The following NEMP2 variants were observed in gnomAD, a reference collection of about 807,000 sequenced individuals.
The protein encoded by NEMP2 is nuclear envelope integral membrane protein 2.
NEMP2 carries 53 observed loss-of-function variants against 54.2 expected under a neutral mutation model. The ratio of observed to expected loss-of-function variants is 0.98; its 90% CI spans 0.78 to 1.23. The LOEUF (loss-of-function observed/expected upper bound fraction) is 1.23, where lower values mean the gene tolerates loss of function less well. Ranked by LOEUF, NEMP2 falls within the 50% of genes most tolerant of loss-of-function variation. The pLI, the probability that NEMP2 is intolerant of heterozygous loss-of-function variation, is 0.00. For synonymous variants in NEMP2, 197 were observed against 190.3 expected (o/e 1.04, Z -0.29); for missense variants, 455 against 511.3 (o/e 0.89, Z 1.06).
At chr2:190,452,126 A>T in the NEMP2 span, among the ~76,000 whole-genome samples, 2 of 152,130 alleles carry the variant, frequency 1.3e-5, no homozygotes, top group African/African-American at 4.8e-5. Flanking sequence ...TAAATAATCT[A>T]GATGAAAAGT....
At chr2:190,632,028 C>T in the NEMP2 span, among the ~76,000 whole-genome samples, 1 of 152,036 alleles carries the variant, frequency 6.6e-6, no homozygotes, top group African/African-American at 2.4e-5. The surrounding 1 kb of genome is among the most constrained non-coding windows in gnomAD (Gnocchi z 4.8). Context: ...TGCACTCTTG[C>T]CTGGGCAACT....
chr2:190,534,825 C>G, upstream of NEMP2: 1 of 457,026 alleles, frequency 2.2e-6, no homozygotes, highest in Non-Finnish European at 3.5e-6. Context: ...GCTCGTTGCT[C>G]CAGCCTCCGC....
At chr2:190,534,528 G>A in intron 1 of NEMP2, 31 bp downstream of exon 1, 1 of 1,378,644 alleles carries the variant, frequency 7.3e-7, no homozygotes. Context: ...GAGCACGCAC[G>A]CGCGCGCCGC....
At chr2:190,534,325 G>A (rs1016898023) in intron 1 of NEMP2, 15 of 1,189,840 alleles carry the variant, frequency 1.3e-5, no homozygotes, top group African/African-American at 1.6e-5. Flanking sequence ...TCGCGCGGTT[G>A]CTTCTAATTC....
the NEMP2 span, chr2:190,640,849 T>C: frequency 3.6e-5 from 5 of 138,414 alleles, no homozygotes; most frequent in South Asian, 2.3e-4. Context: ...ATGGGTGATA[T>C]GGCAACTCAG....
At chr2:190,497,983 A>C in the NEMP2 span, 1 of 313,864 alleles carries the variant, frequency 3.2e-6, no homozygotes, top group Non-Finnish European at 5.9e-6. This position sits in a 1 kb window ranked among gnomAD's most constrained non-coding sequence, Gnocchi z 5.2. Flanking sequence ...AAATAAAATA[A>C]ATTAATCCAT....
the NEMP2 span, among the ~76,000 whole-genome samples, chr2:190,556,191 G>A: frequency 2.0e-5 from 3 of 152,152 alleles, no homozygotes; most frequent in African/African-American, 7.2e-5. Flanking sequence ...ATCAATAATT[G>A]TGATCCATCA....
At chr2:190,648,523 T>TG in the NEMP2 span, 1 of 90,722 alleles carries the variant, frequency 1.1e-5, no homozygotes, top group African/African-American at 3.8e-5. Flanking sequence ...GTTGTTTTTT[T>TG]TTTTTTTTTT....
chr2:190,430,907 A>G, the NEMP2 span, among the ~76,000 whole-genome samples: 1 of 110,378 alleles, frequency 9.1e-6, no homozygotes, highest in Non-Finnish European at 1.9e-5. Context: ...CACTTCCCAG[A>G]TGGGGTGGCT....
the NEMP2 span, chr2:190,437,059 A>C: frequency 6.2e-7 from 1 of 1,614,226 alleles, no homozygotes; most frequent in Non-Finnish European, 8.5e-7. The surrounding 1 kb of genome is among the most constrained non-coding windows in gnomAD (Gnocchi z 5.9). Context: ...GTCTGTGGGC[A>C]TCGGGATCGA....
chr2:190,528,137 T>C lies in NEMP2; in HGVS notation c.98-2759A>G, dbSNP rs936178443. Reference sequence around the variant, plus strand: ...CAATGCTGAGGCACATTTTTGAATATATCTGAGATGCAAATGACTTCTGGC... The same window carrying C: ...CAATGCTGAGGCACATTTTTGAATACATCTGAGATGCAAATGACTTCTGGC... On this transcript the variant is annotated intron_variant, in intron 1 of 8. Transcript: ENST00000409150. The surrounding 1 kb of genome is among the most constrained non-coding windows in gnomAD (Gnocchi z 4.3). 6.6e-6 allele frequency among the ~76,000 whole-genome samples: 1 copy of C among 152,204 alleles called. No homozygotes were observed.
the NEMP2 span, among the ~76,000 whole-genome samples, chr2:190,478,184 T>C: frequency 2.6e-5 from 4 of 152,320 alleles, no homozygotes; most frequent in Admixed American, 2.0e-4. Context: ...TACATACTTC[T>C]GTGTTTCATT....
chr2:190,633,905 C>A, the NEMP2 span, among the ~76,000 whole-genome samples: 7 of 151,958 alleles, frequency 4.6e-5, no homozygotes, highest in African/African-American at 1.5e-4. Context: ...ACCCTGTCTC[C>A]ACAACAAATT....
At chr2:190,545,468 C>A in the NEMP2 span, among the ~76,000 whole-genome samples, 1 of 152,144 alleles carries the variant, frequency 6.6e-6, no homozygotes, top group African/African-American at 2.4e-5. Flanking sequence ...AGCAGATATC[C>A]GTTTAGTTTA....
chr2:190,440,524 T>C, the NEMP2 span, among the ~76,000 whole-genome samples: 1 of 152,248 alleles, frequency 6.6e-6, no homozygotes, highest in Admixed American at 6.5e-5. Flanking sequence ...TATCTTAAGG[T>C]ATCTTCACAT....
At chr2:190,430,801 C>T in the NEMP2 span, among the ~76,000 whole-genome samples, 1 of 146,792 alleles carries the variant, frequency 6.8e-6, no homozygotes, top group Admixed American at 6.8e-5. Flanking sequence ...CAGAGGCGCC[C>T]CCCCCACCTC....
chr2:190,584,945 AAGAAAGAAAGAAAGAAAG>A, the NEMP2 span, among the ~76,000 whole-genome samples: 37 of 129,322 alleles, frequency 2.9e-4, no homozygotes, highest in African/African-American at 8.5e-4. This position sits in a 1 kb window ranked among gnomAD's most constrained non-coding sequence, Gnocchi z 4.2. Flanking sequence ...GAAAGAAAGA[AAGAAAGAAAGAAAGAAAG>A]AGACATAATG....
chr2:190,492,186 G>T, the NEMP2 span, among the ~76,000 whole-genome samples: 12 of 152,140 alleles, frequency 7.9e-5, no homozygotes, highest in Admixed American at 5.9e-4. The surrounding 1 kb of genome is among the most constrained non-coding windows in gnomAD (Gnocchi z 5.2). Context: ...AAGAATAATT[G>T]GAGTTCCTGA....
the NEMP2 span, among the ~76,000 whole-genome samples, chr2:190,472,495 A>C: frequency 4.6e-5 from 7 of 152,362 alleles, no homozygotes; most frequent in East Asian, 1.3e-3. Flanking sequence ...CAGTGATGGA[A>C]GATCAAATGA....
Sources: gnomAD v4.1 joint callset for allele counts (sites outside exome capture counted in the v4.1 genomes callset) on GRCh38, gnomAD v4.1.1 for gene constraint, Gnocchi (gnomAD v3.1) non-coding constraint, MANE v1.5 for transcripts, NCBI Gene and HGNC (gene_info 2026-07-23, HGNC 2026-07-21) for gene names.